SDK1: variants seen among roughly 807,000 people sequenced by gnomAD.
The protein encoded by SDK1 is sidekick cell adhesion molecule 1, also known as protein sidekick-1.
Under a neutral mutation model 245.5 loss-of-function variants are expected in SDK1, and 157 were observed. The ratio of observed to expected loss-of-function variants is 0.64; its 90% CI spans 0.56 to 0.73. The LOEUF (loss-of-function observed/expected upper bound fraction) is 0.73. SDK1 is among the 30% of genes least tolerant of loss of function. SDK1 has a pLI of 0.00. For synonymous variants in SDK1, 1,647 were observed against 1,278.5 expected, an observed-to-expected ratio of 1.29 and a Z score of -6.15; for missense variants, 3,583 against 3,002.3, an observed-to-expected ratio of 1.19 and a Z score of -4.52.
In SDK1 at chr7:3,685,882, G is replaced by A. The variant is rs976288040; in HGVS notation, c.713+43777G>A. Among the ~76,000 whole-genome samples, 6 of 151,866 alleles carry A rather than the reference G, an allele frequency of 4.0e-5. No individual in the cohort carries two copies. The East Asian group carries it at 9.7e-4, about 25-fold the overall frequency. On this transcript the variant is annotated intron_variant, in intron 4 of 44. Coordinates refer to ENST00000404826, the MANE Select transcript of SDK1 (RefSeq NM_152744.4). ...AAGAATATAGGAAAATAATAAAATG[G>A]CACGTTTAACATGCATATCAATAAT... is the stretch of plus-strand genomic sequence containing the variant.
chr7:4,097,536 C>T (rs896071533), intron 22 of SDK1, among the ~76,000 whole-genome samples: 1 of 152,168 alleles, frequency 6.6e-6, no homozygotes, highest in Non-Finnish European at 1.5e-5. Flanking sequence ...TATATTGGGC[C>T]GCCCAAGGCC....
chr7:3,688,337 C>T (rs542517834), intron 4 of SDK1, among the ~76,000 whole-genome samples: 1 of 152,196 alleles, frequency 6.6e-6, no homozygotes, highest in Admixed American at 6.5e-5. Flanking sequence ...GGTCAAATTT[C>T]GGCTCTACCA....
chr7:3,713,463 A>G (rs1049008304), intron 4 of SDK1, among the ~76,000 whole-genome samples: 4 of 152,206 alleles, frequency 2.6e-5, no homozygotes, highest in Admixed American at 6.5e-5. Context: ...TTTGCTTCCC[A>G]CGGGAATGGC....
chr7:4,083,698 C>A (rs369885428), intron 22 of SDK1, among the ~76,000 whole-genome samples: 8,092 of 99,422 alleles, frequency 0.081, 1,116 homozygotes, highest in African/African-American at 0.19. Flanking sequence ...TCTTCCCTCC[C>A]TCCTTTACTT....
chr7:3,820,270 C>G (rs997471701), intron 4 of SDK1, among the ~76,000 whole-genome samples: 2 of 152,184 alleles, frequency 1.3e-5, no homozygotes, highest in Non-Finnish European at 2.9e-5. Flanking sequence ...CTGCCTCGGC[C>G]TCTGTAGTAG....
At position 4,091,341 on chromosome 7, in the gene SDK1, T is replaced by C. The variant is rs866121363; in HGVS notation, c.3324+11757T>C. Among the ~76,000 whole-genome samples the C allele has an allele frequency of 4.3e-5, 6 of 140,348 alleles. No homozygotes were observed. In the East Asian group the frequency reaches 1.0e-3, roughly 23 times the overall value. The allele number at this position is 140,348 out of a possible 152,430, so 92.1% of individuals were successfully genotyped here. ...GCCATTTTCTTTTCTTTTCTTTTTT[T>C]TTTTTTTTTTTTTTTGTTTGAGACA... On this transcript the variant is annotated intron_variant, in intron 22 of 44. Transcript: ENST00000404826.
intron 14 of SDK1, among the ~76,000 whole-genome samples, chr7:4,002,068 A>G (rs1357653338): frequency 6.6e-6 from 1 of 152,260 alleles, no homozygotes; most frequent in Non-Finnish European, 1.5e-5. Context: ...GCCACTAAAA[A>G]TTATGTTCCT....
intron 4 of SDK1, among the ~76,000 whole-genome samples, chr7:3,653,700 G>A (rs1465854024): frequency 6.6e-6 from 1 of 152,178 alleles, no homozygotes; most frequent in Non-Finnish European, 1.5e-5. Flanking sequence ...TGGAAGAGGA[G>A]AAACGGGTTG....
intron 4 of SDK1, among the ~76,000 whole-genome samples, chr7:3,707,654 G>GC (rs906741709): frequency 7.2e-5 from 11 of 152,118 alleles, no homozygotes; most frequent in African/African-American, 2.2e-4. Context: ...GGAGCTGAAG[G>GC]CCCCCCCTAT....
intron 1 of SDK1, among the ~76,000 whole-genome samples, chr7:3,330,091 A>G (rs567364719): frequency 1.7e-4 from 26 of 151,556 alleles, no homozygotes; most frequent in Non-Finnish European, 3.2e-4. Context: ...TTTTTTTCCC[A>G]TTTACCAGTT....
In SDK1 at chr7:3,947,859, A is replaced by G. The variant is rs1487610507; in HGVS notation, c.848-3064A>G. Among the ~76,000 whole-genome samples the G allele has an allele frequency of 3.3e-5, 5 of 152,298 alleles. 1 individual carries two copies. The South Asian group carries it at 6.2e-4, about 19-fold the overall frequency. On this transcript the variant is annotated intron_variant, in intron 5 of 44. Coordinates refer to ENST00000404826, the MANE Select transcript of SDK1 (RefSeq NM_152744.4). Reference sequence around the variant, plus strand: ...AAACAAGACATAGCAATAGATGCCTATAATTTAAAGACATGGAGCTCAAAA... The same window carrying G: ...AAACAAGACATAGCAATAGATGCCTGTAATTTAAAGACATGGAGCTCAAAA...
chr7:3,817,573 C>T lies in SDK1; in HGVS notation c.714-3877C>T, dbSNP rs368649477. On this transcript the variant is annotated intron_variant, in intron 4 of 44. Coordinates refer to ENST00000404826, the MANE Select transcript of SDK1 (RefSeq NM_152744.4). ...AAATCCTGTGCTTCCAGGATTCCGA[C>T]GTCAGTATCACATCCCTGAAGGCAG... 1.6e-3 allele frequency among the ~76,000 whole-genome samples: 247 copies of T among 152,292 alleles called. 1 individual carries two copies. Among genetic ancestry groups the T allele is most frequent in the African/African-American group, 5.6e-3 (232 of 41,554 alleles).
At chr7:3,475,570 A>G (rs573342446) in intron 1 of SDK1, among the ~76,000 whole-genome samples, 2 of 152,320 alleles carry the variant, frequency 1.3e-5, no homozygotes, top group Non-Finnish European at 1.5e-5. Flanking sequence ...TATTTTGATT[A>G]TTAATGTTTC....
intron 42 of SDK1, among the ~76,000 whole-genome samples, chr7:4,239,662 C>A (rs1786400382): frequency 6.6e-6 from 1 of 152,192 alleles, no homozygotes. Flanking sequence ...CGCACGGCGC[C>A]CGGCCTATGG....
At chr7:3,486,262 T>G (rs999763606) in intron 1 of SDK1, among the ~76,000 whole-genome samples, 3 of 141,930 alleles carry the variant, frequency 2.1e-5, no homozygotes, top group Non-Finnish European at 4.8e-5. Flanking sequence ...TATCTGAGGT[T>G]GTTTTCTTTT....
intron 1 of SDK1, among the ~76,000 whole-genome samples, chr7:3,433,612 G>C (rs1036137424): frequency 5.3e-5 from 8 of 152,126 alleles, no homozygotes; most frequent in Admixed American, 2.0e-4. Flanking sequence ...CTACATTAAA[G>C]ACTGGCTGGC....
chr7:3,850,585 T>C (rs1414212275), intron 5 of SDK1, among the ~76,000 whole-genome samples: 1 of 152,056 alleles, frequency 6.6e-6, no homozygotes, highest in African/African-American at 2.4e-5. Flanking sequence ...CTATTCACAA[T>C]AGCAAAGACT....
At chr7:3,913,517 T>C (rs2128109806) in intron 5 of SDK1, among the ~76,000 whole-genome samples, 1 of 152,116 alleles carries the variant, frequency 6.6e-6, no homozygotes, top group Non-Finnish European at 1.5e-5. Context: ...ATGGTCTCGA[T>C]CTCCTGACGT....
At chr7:3,780,799 G>A (rs777758208) in intron 4 of SDK1, among the ~76,000 whole-genome samples, 1 of 152,000 alleles carries the variant, frequency 6.6e-6, no homozygotes. Flanking sequence ...GCTTGATCTA[G>A]AAAGTCAAGC....
Sources: gnomAD v4.1 joint callset for allele counts (sites outside exome capture counted in the v4.1 genomes callset) on GRCh38, gnomAD v4.1.1 for gene constraint, MANE v1.5 for transcripts, NCBI Gene and HGNC (gene_info 2026-07-23, HGNC 2026-07-21) for gene names.